Variants in CAP1 observed in about 807,000 individuals in gnomAD.
CAP1 encodes cyclase associated actin cytoskeleton regulatory protein 1.
Under a neutral mutation model 58.2 loss-of-function variants are expected in CAP1, and 11 were observed. The observed-to-expected ratio is 0.19, with a 90% CI of 0.12 to 0.31. CAP1 has a LOEUF of 0.31. Among genes scored for constraint, CAP1 ranks in the 10% least tolerant of loss-of-function variants. The probability of loss-of-function intolerance (pLI) is 1.00; values close to 1 mark genes in which losing one functional copy is unlikely to be tolerated. For synonymous variants in CAP1, 183 were observed against 213.8 expected, an observed-to-expected ratio of 0.86 and a Z score of 1.26; for missense variants, 423 against 587.5, an observed-to-expected ratio of 0.72 and a Z score of 2.89.
chr1:40,067,249 T>TTA (rs1647127741), intron 7 of CAP1: 1 of 342,768 alleles, frequency 2.9e-6, no homozygotes, highest in African/African-American at 2.1e-5. Context: ...TCAGAGGTAC[T>TTA]GGTAACACAC....
At chr1:40,055,816 T>C (rs1646588893) in intron 1 of CAP1, among the ~76,000 whole-genome samples, 1 of 152,204 alleles carries the variant, frequency 6.6e-6, no homozygotes, top group Non-Finnish European at 1.5e-5. Flanking sequence ...GCCAGTATCC[T>C]AACTCTTATC....
At chr1:40,068,036 A>G (rs2124420016) in intron 8 of CAP1, among the ~76,000 whole-genome samples, 1 of 152,316 alleles carries the variant, frequency 6.6e-6, no homozygotes, top group East Asian at 1.9e-4. Flanking sequence ...CTGGGAAGGC[A>G]TTGTGTTAGG....
intron 8 of CAP1, among the ~76,000 whole-genome samples, chr1:40,068,294 C>T (rs1036037504): frequency 2.6e-5 from 4 of 151,952 alleles, no homozygotes; most frequent in Non-Finnish European, 5.9e-5. Context: ...TTTTTTGAGA[C>T]GGAGTTTTGC....
intron 1 of CAP1, among the ~76,000 whole-genome samples, chr1:40,049,610 C>T (rs1451200545): frequency 6.6e-6 from 1 of 152,166 alleles, no homozygotes; most frequent in Non-Finnish European, 1.5e-5. Context: ...TGTCTGTTCT[C>T]ATGACTTCAT....
chr1:40,071,998 G>C lies in CAP1; in HGVS notation c.*465G>C, dbSNP rs1206617861. 3 of 407,546 alleles carry C rather than the reference G, an allele frequency of 7.4e-6. No individual in the cohort carries two copies. The highest frequency in any genetic ancestry group is 1.3e-5 in the Non-Finnish European group (3 of 230,312). 25.2% of individuals were successfully genotyped at this position (407,546 alleles called of 1,614,324 possible). On this transcript the variant is annotated 3_prime_UTR_variant, in exon 13 of 13. Coordinates refer to ENST00000372805, the MANE Select transcript of CAP1 (RefSeq NM_006367.4). ...CTAACCAAACTAATTTTTCACTGTT[G>C]ACAAGCGAGGCAAGGGTTGCACTGG...
chr1:40,058,698 G>A (rs1646718198), intron 1 of CAP1, among the ~76,000 whole-genome samples: 1 of 151,990 alleles, frequency 6.6e-6, no homozygotes, highest in Admixed American at 6.6e-5. Flanking sequence ...CTCCAGCCTG[G>A]GTGACATTGT....
At chr1:40,052,816 C>T (rs969005638) in intron 1 of CAP1, among the ~76,000 whole-genome samples, 3 of 151,066 alleles carry the variant, frequency 2.0e-5, no homozygotes, top group South Asian at 2.2e-4. Flanking sequence ...GCTGGCCAGG[C>T]GCGGTGGCTC....
At chr1:40,061,450 G>A (rs953363892) in intron 3 of CAP1, among the ~76,000 whole-genome samples, 2 of 152,174 alleles carry the variant, frequency 1.3e-5, no homozygotes, top group African/African-American at 4.8e-5. Context: ...TCAGTGCACG[G>A]TATCACAATG....
In CAP1 at chr1:40,055,261, A is replaced by G. The variant is rs560916822; in HGVS notation, c.-10-4076A>G. The stretch of plus-strand genomic sequence containing the variant: ...AAACAGGAGTGGTAGAAGATTAAGC[A>G]GGACTAGATGAGAGAAACCCTTGTT... On this transcript the variant is annotated intron_variant, in intron 1 of 12. Transcript: ENST00000372805. Among the ~76,000 whole-genome samples the G allele has an allele frequency of 7.2e-5, 11 of 152,334 alleles. No homozygotes were observed. The East Asian group carries it at 2.1e-3, about 29-fold the overall frequency.
chr1:40,065,485 A>G (rs12085011), intron 6 of CAP1, among the ~76,000 whole-genome samples: 2,172 of 152,344 alleles, frequency 0.014, 49 homozygotes, highest in African/African-American at 0.047. Context: ...TGTGAGTGAA[A>G]TGTGTCCCAG....
chr1:40,048,908 T>G (rs943761180), intron 1 of CAP1, among the ~76,000 whole-genome samples: 26 of 152,162 alleles, frequency 1.7e-4, no homozygotes, highest in African/African-American at 6.0e-4. Context: ...TTTGTATGGG[T>G]GCTTTATTTT....
intron 8 of CAP1, among the ~76,000 whole-genome samples, chr1:40,068,745 C>T (rs537832859): frequency 1.0e-3 from 152 of 152,170 alleles, no homozygotes; most frequent in Middle Eastern, 3.4e-3. Context: ...ATGTTCAAAG[C>T]GAGGCGTGTG....
At position 40,067,562 on chromosome 1, in the gene CAP1, G is replaced by A; in HGVS notation, c.653G>A (p.Ser218Asn). ...CAGGGGCCTGTGGCAAAAGAACTGA[G>A]CGGACTGCCATCTGGACCCTCTGCC... ...SKTGPVAKEL[S>N]GLPSGPSAGS... Residue 218 changes from serine to asparagine, a missense_variant, in exon 8 of 13, where the codon AGC becomes AAC. By Grantham distance (46) the Ser-to-Asn change is conservative (BLOSUM62 1). Coordinates refer to ENST00000372805, the MANE Select transcript of CAP1 (RefSeq NM_006367.4). The A allele has an allele frequency of 6.2e-7, 1 of 1,610,020 alleles. No homozygotes were observed. Among genetic ancestry groups the A allele is most frequent in the Non-Finnish European group, 8.5e-7 (1 of 1,178,004 alleles).
rs1570387439 is a variant in CAP1, at chr1:40,057,882, A to G, written c.-10-1455A>G. ...CTGACTGGTTTTTATGAGATCACTT[A>G]GGGTCTCAAATACTTTATGTAGAGG... On this transcript the variant is annotated intron_variant, in intron 1 of 12. Coordinates refer to ENST00000372805, the MANE Select transcript of CAP1 (RefSeq NM_006367.4). 2.0e-5 allele frequency among the ~76,000 whole-genome samples: 3 copies of G among 152,336 alleles called. No homozygotes were observed. In the South Asian group the frequency reaches 6.2e-4, roughly 32 times the overall value.
chr1:40,048,903 A>G (rs760583843), intron 1 of CAP1, among the ~76,000 whole-genome samples: 7 of 152,122 alleles, frequency 4.6e-5, no homozygotes, highest in Non-Finnish European at 7.4e-5. Context: ...GCTGATTTGT[A>G]TGGGTGCTTT....
Position 40,060,134 on chromosome 1 carries a change from G to A in CAP1, c.180G>A (p.Lys60=). The A allele has an allele frequency of 6.2e-7, 1 of 1,613,746 alleles. No homozygotes were observed. The change falls in exon 3 of 13, where the codon AAG becomes AAA. Residue 60 remains lysine (K), a synonymous_variant. Coordinates refer to ENST00000372805, the MANE Select transcript of CAP1 (RefSeq NM_006367.4). ...CTGGTCCTGTGGCAGAGTACTTGAA[G>A]ATCAGTAAAGAGATTGGGGGAGACG... ...LLAGPVAEYL[K]ISKEIGGDVQ... is the part of the protein sequence containing the mutation.
rs113000887 is a variant in CAP1 at position 40,068,639 on chromosome 1, GA to G, written c.808+932del. Reference sequence around the variant, plus strand: ...CTACAGTGAACCATGTAATGTTTAAGAAAAAAAAAATCTAGTATGTAAATTA... The same window carrying G: ...CTACAGTGAACCATGTAATGTTTAAGAAAAAAAAATCTAGTATGTAAATTA... On this transcript the variant is annotated intron_variant, in intron 8 of 12. Coordinates refer to ENST00000372805, the MANE Select transcript of CAP1 (RefSeq NM_006367.4). Among the ~76,000 whole-genome samples, 1,093 of 147,234 alleles carry G rather than the reference GA, an allele frequency of 7.4e-3. 10 individuals are homozygous for G. Among genetic ancestry groups the G allele is most frequent in the African/African-American group, 0.026 (1,051 of 40,086 alleles).
At chr1:40,068,992 C>T (rs938826881) in intron 8 of CAP1, among the ~76,000 whole-genome samples, 5 of 152,060 alleles carry the variant, frequency 3.3e-5, no homozygotes, top group Admixed American at 6.6e-5. Flanking sequence ...CCACCACACC[C>T]GGCTAATTTT....
rs951060143 is a variant in CAP1, at chr1:40,064,089, A to G, written c.295-138A>G. The G allele has an allele frequency of 1.1e-5, 8 of 741,156 alleles. No individual in the cohort carries two copies. In the Admixed American group the frequency reaches 2.1e-4, roughly 19 times the overall value. 45.9% of individuals were successfully genotyped at this position (741,156 alleles called of 1,614,324 possible). A position where few individuals can be genotyped will look rare whatever the true frequency, so the allele number is the denominator to read the frequency against. ...AGATGATGAGCAGTATTTTAGCCTT[A>G]GGAATCAGGACAGGACTCATGCAGT... On this transcript the variant is annotated intron_variant, in intron 4 of 12. Coordinates refer to ENST00000372805, the MANE Select transcript of CAP1 (RefSeq NM_006367.4).
Sources: gnomAD v4.1 joint callset for allele counts (sites outside exome capture counted in the v4.1 genomes callset) on GRCh38, gnomAD v4.1.1 for gene constraint, MANE v1.5 for transcripts, NCBI Gene and HGNC (gene_info 2026-07-23, HGNC 2026-07-21) for gene names.